Variants in MRTFB observed in about 807,000 individuals in gnomAD.
MRTFB encodes myocardin-related transcription factor B.
Under a neutral mutation model 104.2 loss-of-function variants are expected in MRTFB, and 29 were observed. That is an observed-to-expected ratio of 0.28 (90% CI 0.21 to 0.38). The LOEUF (loss-of-function observed/expected upper bound fraction) is 0.38. MRTFB is among the 10% of genes least tolerant of loss of function. MRTFB has a pLI of 1.00. For synonymous variants in MRTFB, 535 were observed against 519.5 expected (o/e 1.03, Z -0.41); for missense variants, 1,270 against 1,341.6 (o/e 0.95, Z 0.83).
chr16:14,261,293 A>G lies in MRTFB; in HGVS notation c.3149A>G (p.Asp1050Gly). The change falls in exon 17 of 17, where the codon GAC (aspartate) becomes GGC (glycine). Residue 1050 changes from aspartate to glycine, a missense_variant. By Grantham distance (94) the Asp-to-Gly change is moderately conservative. Transcript: ENST00000571589. ...FAAGTPCLSLDLSDSNLDNME... is the reference protein window; with the variant it reads ...FAAGTPCLSLGLSDSNLDNME... ...GCAGGTACTCCCTGTCTGTCTCTCG[A>G]CCTGTCAGACTCAAACTTGGACAAC... 1.2e-6 allele frequency: 2 copies of G among 1,614,058 alleles called. No individual in the cohort carries two copies. The highest frequency in any genetic ancestry group is 1.1e-5 in the South Asian group (1 of 91,058).
At chr16:14,166,348 C>G (rs28691735) in intron 3 of MRTFB, among the ~76,000 whole-genome samples, 13,539 of 150,880 alleles carry the variant, frequency 0.09, 1,238 homozygotes, top group African/African-American at 0.23. Context: ...TTTTATACTT[C>G]ATTTATTACG....
the MRTFB span, among the ~76,000 whole-genome samples, chr16:14,050,769 T>C: frequency 3.3e-5 from 5 of 151,996 alleles, no homozygotes; most frequent in Non-Finnish European, 7.4e-5. Flanking sequence ...AGCTACAAAA[T>C]GGAGATAACA....
chr16:14,017,303 C>G, the MRTFB span, among the ~76,000 whole-genome samples: 98 of 151,464 alleles, frequency 6.5e-4, no homozygotes, highest in African/African-American at 1.9e-3. Flanking sequence ...TGATCCGCCC[C>G]CCTCGGCCTC....
At chr16:14,058,620 T>C in the MRTFB span, among the ~76,000 whole-genome samples, 1 of 152,088 alleles carries the variant, frequency 6.6e-6, no homozygotes, top group Non-Finnish European at 1.5e-5. Context: ...AACTCTCAAC[T>C]TGCTTTCTTA....
chr16:14,256,074 C>G (rs2043467435), intron 15 of MRTFB, among the ~76,000 whole-genome samples: 1 of 146,884 alleles, frequency 6.8e-6, no homozygotes, highest in Non-Finnish European at 1.5e-5. Context: ...GGCTGTGCCA[C>G]TGCACTCCAT....
the MRTFB span, among the ~76,000 whole-genome samples, chr16:14,020,070 A>G: frequency 1.3e-5 from 2 of 152,190 alleles, no homozygotes; most frequent in South Asian, 2.1e-4. Flanking sequence ...GCTTTAAAGT[A>G]TATTCACCCT....
chr16:14,134,056 T>G (rs2037579095), intron 2 of MRTFB, among the ~76,000 whole-genome samples: 1 of 152,238 alleles, frequency 6.6e-6, no homozygotes, highest in African/African-American at 2.4e-5. Flanking sequence ...GGTGTTTACT[T>G]AAGTGTTATA....
chr16:14,032,801 T>C, the MRTFB span, among the ~76,000 whole-genome samples: 1 of 152,068 alleles, frequency 6.6e-6, no homozygotes, highest in African/African-American at 2.4e-5. Context: ...TTTGGAGAAT[T>C]GCTTGGTGTG....
chr16:14,062,860 G>A, the MRTFB span, among the ~76,000 whole-genome samples: 21 of 152,202 alleles, frequency 1.4e-4, no homozygotes, highest in South Asian at 6.2e-4. Flanking sequence ...CGCTGCTGCC[G>A]TCAGCACGGG....
At chr16:14,210,698 TA>T (rs1461785218) in intron 4 of MRTFB, among the ~76,000 whole-genome samples, 2 of 152,230 alleles carry the variant, frequency 1.3e-5, no homozygotes, top group African/African-American at 2.4e-5. Flanking sequence ...TAGACTTATT[TA>T]GTTCCAGTTA....
chr16:14,261,315 C>T lies in MRTFB; in HGVS notation c.3171C>T (p.Asp1057=), dbSNP rs369647078. The T allele has an allele frequency of 3.7e-6, 6 of 1,614,158 alleles. No individual in the cohort carries two copies. Among genetic ancestry groups the T allele is most frequent in the Non-Finnish European group, 5.1e-6 (6 of 1,180,042 alleles). The change falls in exon 17 of 17, where the codon GAC becomes GAT. Residue 1057 remains aspartate, a synonymous_variant. Coordinates refer to ENST00000571589, the MANE Select transcript of MRTFB (RefSeq NM_001308142.2). The stretch of plus-strand genomic sequence containing the variant: ...TCGACCTGTCAGACTCAAACTTGGA[C>T]AACATGGAGTGGTTGGACATTACCA... The part of the protein sequence containing the change: ...LSLDLSDSNL[D]NMEWLDITMP...
chr16:14,228,380 T>C (rs2042103561), intron 8 of MRTFB, among the ~76,000 whole-genome samples: 2 of 152,058 alleles, frequency 1.3e-5, no homozygotes, highest in South Asian at 4.2e-4. Flanking sequence ...ATCGAGACCA[T>C]CCTGGCCAAC....
chr16:14,217,787 G>T (rs1023869325), intron 7 of MRTFB, among the ~76,000 whole-genome samples: 1 of 152,016 alleles, frequency 6.6e-6, no homozygotes, highest in African/African-American at 2.4e-5. Flanking sequence ...TTTTATTTCT[G>T]TCTACTTCTA....
intron 3 of MRTFB, chr16:14,143,678 T>C (rs2038142370): frequency 6.6e-6 from 1 of 152,180 alleles, no homozygotes. Flanking sequence ...GAAAATTTCA[T>C]GTCTAAATCA....
intron 3 of MRTFB, among the ~76,000 whole-genome samples, chr16:14,162,231 G>A (rs1470032954): frequency 6.6e-6 from 1 of 151,988 alleles, no homozygotes; most frequent in Non-Finnish European, 1.5e-5. Context: ...CTGTTCAGGA[G>A]GCTGATGCCA....
chr16:14,227,580 C>CGTGAT (rs1422537738), intron 8 of MRTFB, among the ~76,000 whole-genome samples: 1 of 152,098 alleles, frequency 6.6e-6, no homozygotes, highest in East Asian at 1.9e-4. Context: ...GGCACAATCA[C>CGTGAT]GGCTCACTAC....
At chr16:14,245,724 C>T (rs571357574) in intron 11 of MRTFB, 64 bp downstream of exon 11, 23 of 1,543,060 alleles carry the variant, frequency 1.5e-5, no homozygotes, top group Middle Eastern at 1.7e-4. Context: ...GATTTGCCAG[C>T]GTTGTCTAGC....
At chr16:14,229,788 C>G (rs941676173) in intron 8 of MRTFB, among the ~76,000 whole-genome samples, 9 of 152,026 alleles carry the variant, frequency 5.9e-5, no homozygotes, top group African/African-American at 2.2e-4. Context: ...TAAAAACCAT[C>G]TTTCTGACAT....
At chr16:14,242,041 C>CA (rs1487655236) in intron 10 of MRTFB, among the ~76,000 whole-genome samples, 4 of 151,434 alleles carry the variant, frequency 2.6e-5, no homozygotes, top group Middle Eastern at 3.2e-3. Flanking sequence ...TTACTACTTA[C>CA]AATGCGTTGT....
Sources: gnomAD v4.1 joint callset for allele counts (sites outside exome capture counted in the v4.1 genomes callset) on GRCh38, gnomAD v4.1.1 for gene constraint, MANE v1.5 for transcripts, NCBI Gene and HGNC (gene_info 2026-07-23, HGNC 2026-07-21) for gene names.